The following RFX3 variants were observed in gnomAD, a reference collection of about 807,000 sequenced individuals.
The protein encoded by RFX3 is regulatory factor X3, also known as transcription factor RFX3.
A neutral mutation model predicts 98.6 loss-of-function variants in RFX3; 14 were observed. That is an observed-to-expected ratio of 0.14 (90% CI 0.09 to 0.22). RFX3 has a LOEUF of 0.22. Among genes scored for constraint, RFX3 ranks in the 10% least tolerant of loss-of-function variants. RFX3 has a pLI of 1.00. For missense variants in RFX3, 639 were observed against 926.9 expected, an observed-to-expected ratio of 0.69 and a Z score of 4.03; for synonymous variants, 383 against 328.4, an observed-to-expected ratio of 1.17 and a Z score of -1.80.
At chr9:3,242,709 C>T (rs903572994) in intron 15 of RFX3, among the ~76,000 whole-genome samples, 8 of 151,706 alleles carry the variant, frequency 5.3e-5, no homozygotes, top group African/African-American at 1.4e-4. Context: ...GATTTTTTTC[C>T]TTCCAAAAAA....
At chr9:3,307,558 G>A (rs1829471240) in intron 4 of RFX3, among the ~76,000 whole-genome samples, 1 of 152,128 alleles carries the variant, frequency 6.6e-6, no homozygotes, top group Non-Finnish European at 1.5e-5. Flanking sequence ...CAGCTCTAAA[G>A]GTGGGAGTCT....
At chr9:3,354,394 A>C (rs1174802818) in intron 2 of RFX3, among the ~76,000 whole-genome samples, 1 of 152,016 alleles carries the variant, frequency 6.6e-6, no homozygotes, top group Non-Finnish European at 1.5e-5. Context: ...AAACATTTTA[A>C]AAAATGAATA....
At chr9:3,484,695 A>G (rs1313894183) in intron 1 of RFX3, among the ~76,000 whole-genome samples, 1 of 152,164 alleles carries the variant, frequency 6.6e-6, no homozygotes, top group Non-Finnish European at 1.5e-5. Flanking sequence ...GAAGATTTTT[A>G]ATCAAGGTAG....
chr9:3,428,315 T>G (rs1844310775), intron 1 of RFX3, among the ~76,000 whole-genome samples: 2 of 152,192 alleles, frequency 1.3e-5, no homozygotes, highest in African/African-American at 4.8e-5. Flanking sequence ...TTTATCAGCT[T>G]GAGTTGAATG....
intron 3 of RFX3, among the ~76,000 whole-genome samples, chr9:3,335,679 T>G (rs10121595): frequency 0.11 from 16,218 of 152,270 alleles, 1,282 homozygotes; most frequent in East Asian, 0.46. Flanking sequence ...ATTATTTCTA[T>G]AGCAGAAGAG....
chr9:3,315,532 A>G (rs1242730415), intron 4 of RFX3, among the ~76,000 whole-genome samples: 2 of 151,352 alleles, frequency 1.3e-5, no homozygotes, highest in Non-Finnish European at 2.9e-5. Flanking sequence ...TCAGAGCAGA[A>G]CTGAAGGAGA....
At chr9:3,473,268 A>T (rs774517252) in intron 1 of RFX3, among the ~76,000 whole-genome samples, 2 of 152,202 alleles carry the variant, frequency 1.3e-5, no homozygotes, top group Non-Finnish European at 2.9e-5. Context: ...TTCAAGTATT[A>T]GCTGCTACAG....
intron 5 of RFX3, among the ~76,000 whole-genome samples, chr9:3,297,580 T>G (rs551090915): frequency 1.3e-5 from 2 of 152,152 alleles, no homozygotes; most frequent in South Asian, 4.1e-4. Flanking sequence ...GATGGATTAT[T>G]ACCCATCAGG....
At chr9:3,408,317 A>T (rs1227756396) in intron 1 of RFX3, among the ~76,000 whole-genome samples, 1 of 152,170 alleles carries the variant, frequency 6.6e-6, no homozygotes, top group African/African-American at 2.4e-5. Context: ...AAAGCCCCAT[A>T]GCAATCCCAT....
intron 1 of RFX3, among the ~76,000 whole-genome samples, chr9:3,412,015 C>A (rs929328587): frequency 6.6e-6 from 1 of 152,164 alleles, no homozygotes; most frequent in South Asian, 2.1e-4. Context: ...CCATTTTAAA[C>A]ATTATGGGCA....
intron 1 of RFX3, among the ~76,000 whole-genome samples, chr9:3,418,530 C>A (rs1163109190): frequency 6.6e-6 from 1 of 152,004 alleles, no homozygotes; most frequent in Non-Finnish European, 1.5e-5. Context: ...CAGGCACCCA[C>A]CACCATGCCC....
At chr9:3,243,034 T>C (rs192621616) in intron 15 of RFX3, among the ~76,000 whole-genome samples, 9 of 152,102 alleles carry the variant, frequency 5.9e-5, no homozygotes, top group African/African-American at 1.9e-4. Flanking sequence ...TAATGGACTA[T>C]GTATGTTTTA....
chr9:3,227,277 G>C (rs1258350741), intron 16 of RFX3, among the ~76,000 whole-genome samples: 2 of 152,304 alleles, frequency 1.3e-5, no homozygotes, highest in Non-Finnish European at 2.9e-5. Flanking sequence ...TGGATGGAAA[G>C]GGTAGTGAGA....
At chr9:3,517,832 T>C (rs939988776) in intron 1 of RFX3, among the ~76,000 whole-genome samples, 4 of 152,172 alleles carry the variant, frequency 2.6e-5, no homozygotes, top group Admixed American at 6.5e-5. Flanking sequence ...GAGTAGAAAT[T>C]GTAAGATAAT....
chr9:3,429,358 G>T (rs970318555), intron 1 of RFX3, among the ~76,000 whole-genome samples: 4 of 149,514 alleles, frequency 2.7e-5, no homozygotes, highest in Admixed American at 2.7e-4. Context: ...TAAAAATTTA[G>T]GTTAAAGAAA....
In RFX3 at chr9:3,335,364, T is replaced by G. The variant is rs555747940; in HGVS notation, c.216-4847A>C. On this transcript the variant is annotated intron_variant, in intron 3 of 16. Coordinates refer to ENST00000617270, the MANE Select transcript of RFX3 (RefSeq NM_001282116.2). ...AAATAAACAGTTCTTTTTTAGGTAC[T>G]AGAAATAGACTCTCTAATTCTGATA... Among the ~76,000 whole-genome samples the G allele has an allele frequency of 9.9e-5, 15 of 152,276 alleles. No homozygotes were observed. In the South Asian group the frequency reaches 2.5e-3, roughly 25 times the overall value.
At chr9:3,368,891 G>A (rs558134631) in intron 2 of RFX3, among the ~76,000 whole-genome samples, 2 of 152,308 alleles carry the variant, frequency 1.3e-5, no homozygotes, top group East Asian at 3.9e-4. Flanking sequence ...TGATGTAGAC[G>A]AGAGAAAGAT....
rs376437814 is a variant in RFX3, at chr9:3,519,298, C to G, written c.-9+6449G>C. ...ATAAGACTGGTTATCAAATGATAATCCAAGCCTGTGATTGGCAGCTTGTCT... is the reference window on the plus strand; with the variant it reads ...ATAAGACTGGTTATCAAATGATAATGCAAGCCTGTGATTGGCAGCTTGTCT... On this transcript the variant is annotated intron_variant, in intron 1 of 16. Coordinates refer to ENST00000617270, the MANE Select transcript of RFX3 (RefSeq NM_001282116.2). Among the ~76,000 whole-genome samples, 42 of 152,164 alleles carry G rather than the reference C, an allele frequency of 2.8e-4. No homozygotes were observed. The East Asian group carries it at 7.9e-3, about 29-fold the overall frequency.
chr9:3,358,773 G>T (rs1166192813), intron 2 of RFX3, among the ~76,000 whole-genome samples: 2 of 152,094 alleles, frequency 1.3e-5, no homozygotes, highest in African/African-American at 4.8e-5. Context: ...CAGGGCTTGG[G>T]AGGCCTCAGG....
Sources: gnomAD v4.1 joint callset for allele counts (sites outside exome capture counted in the v4.1 genomes callset) on GRCh38, gnomAD v4.1.1 for gene constraint, MANE v1.5 for transcripts, NCBI Gene and HGNC (gene_info 2026-07-23, HGNC 2026-07-21) for gene names.